The following PLCD3 variants were observed in gnomAD, a reference collection of about 807,000 sequenced individuals.
The protein encoded by PLCD3 is 1-phosphatidylinositol 4,5-bisphosphate phosphodiesterase delta-3.
A neutral mutation model predicts 82.8 loss-of-function variants in PLCD3; 62 were observed. The observed-to-expected ratio is 0.75, with a 90% confidence interval of 0.61 to 0.93. The LOEUF (loss-of-function observed/expected upper bound fraction) is 0.93. Among genes scored for constraint, PLCD3 ranks in the 40% least tolerant of loss-of-function variants. PLCD3 has a pLI of 0.00. For missense variants in PLCD3, 1,023 were observed against 1,103.4 expected, an observed-to-expected ratio of 0.93 and a Z score of 1.03; for synonymous variants, 478 against 471.8, an observed-to-expected ratio of 1.01 and a Z score of -0.17.
chr17:45,119,048 G>A lies in PLCD3; in HGVS notation c.685-5C>T, dbSNP rs1204219005. The A allele has an allele frequency of 3.1e-6, 5 of 1,593,992 alleles. No homozygotes were observed. Among genetic ancestry groups the A allele is most frequent in the Non-Finnish European group, 4.3e-6 (5 of 1,169,002 alleles). On this transcript the variant is annotated splice_region_variant and splice_polypyrimidine_tract_variant and intron_variant, in intron 4 of 14. Transcript: ENST00000619929. ...GTTGTTGGAGTGGTCACACTCCTGG[G>A]GAGCAGCAGGAGAAGCTCAGAGGAG...
chr17:45,116,189 C>T (rs1329635259), intron 8 of PLCD3, among the ~76,000 whole-genome samples: 2 of 152,138 alleles, frequency 1.3e-5, no homozygotes, highest in Admixed American at 1.3e-4. Context: ...AGCAGGAGGC[C>T]GCCTCAGGCC....
At chr17:45,115,316 T>TTCCCCCCCC in intron 9 of PLCD3, 28 bp downstream of exon 9, 4 of 1,474,944 alleles carry the variant, frequency 2.7e-6, no homozygotes, top group East Asian at 2.5e-5. Context: ...TTCCCCCCCT[T>TTCCCCCCCC]CCCCACCCCA....
chr17:45,114,386 A>G lies in PLCD3; in HGVS notation c.1712-20T>C. The G allele has an allele frequency of 6.5e-7, 1 of 1,533,122 alleles. No homozygotes were observed. Among genetic ancestry groups the G allele is most frequent in the South Asian group, 1.2e-5 (1 of 82,870 alleles). The allele number at this position is 1,533,122 out of a possible 1,614,324, so 95.0% of individuals were successfully genotyped here. On this transcript the variant is annotated intron_variant, in intron 10 of 14. Coordinates refer to ENST00000619929, the MANE Select transcript of PLCD3 (RefSeq NM_133373.5). ...TGTTCCCTGGGGCAGAGTTGGGGTGAGACCGTGACAGACTCCGGGGGTCCC... is the reference window on the plus strand; with the variant it reads ...TGTTCCCTGGGGCAGAGTTGGGGTGGGACCGTGACAGACTCCGGGGGTCCC...
At chr17:45,116,527 G>T in intron 8 of PLCD3, 105 bp downstream of exon 8, 2 of 1,227,250 alleles carry the variant, frequency 1.6e-6, no homozygotes, top group Non-Finnish European at 1.1e-6. Flanking sequence ...AGTTAAGGCA[G>T]CAAGAGGTGA....
chr17:45,120,043 C>G (rs947006305), intron 4 of PLCD3, among the ~76,000 whole-genome samples: 10 of 152,246 alleles, frequency 6.6e-5, no homozygotes, highest in Non-Finnish European at 5.9e-5. Flanking sequence ...CTTGCAGACT[C>G]AGGGAAATGA....
chr17:45,121,960 A>AAG (rs966808445), intron 1 of PLCD3, among the ~76,000 whole-genome samples: 2 of 41,366 alleles, frequency 4.8e-5, no homozygotes, highest in East Asian at 1.6e-3. Flanking sequence ...GCGTCTTAAC[A>AAG]AAAAAAAAAA....
In PLCD3 at chr17:45,119,044, C is replaced by T; in HGVS notation, c.685-1G>A. ...GGTCGTTGTTGGAGTGGTCACACTC[C>T]TGGGGAGCAGCAGGAGAAGCTCAGA... is the stretch of plus-strand genomic sequence containing the variant. On this transcript the variant is annotated splice_acceptor_variant, in intron 4 of 14. Coordinates refer to ENST00000619929, the MANE Select transcript of PLCD3 (RefSeq NM_133373.5). LOFTEE classifies it high-confidence loss of function. 1 of 1,599,606 alleles carries T rather than the reference C, an allele frequency of 6.3e-7. No individual in the cohort carries two copies. The highest frequency in any genetic ancestry group is 8.5e-7 in the Non-Finnish European group (1 of 1,172,072).
At chr17:45,117,859 C>G in intron 7 of PLCD3, 135 bp downstream of exon 7, 2 of 1,239,354 alleles carry the variant, frequency 1.6e-6, no homozygotes, top group South Asian at 2.9e-5. Flanking sequence ...CCACTTATCC[C>G]AGCAGCACTT....
Position 45,111,639 on chromosome 17 carries a change from G to A in PLCD3, c.*977C>T, listed in dbSNP as rs897312532. 4 of 152,240 alleles carry A rather than the reference G, an allele frequency of 2.6e-5. No homozygotes were observed. The highest frequency in any genetic ancestry group is 9.7e-5 in the African/African-American group (4 of 41,444). The allele number at this position is 152,240 out of a possible 1,614,324, so 9.4% of individuals were successfully genotyped here. On this transcript the variant is annotated 3_prime_UTR_variant, in exon 15 of 15. Transcript: ENST00000619929. ...GTGGCAGCATAGAGGTGCTCAGGGAGTGGCGGTGGTGAAATCAACGTGCTT... is the reference window on the plus strand; with the variant it reads ...GTGGCAGCATAGAGGTGCTCAGGGAATGGCGGTGGTGAAATCAACGTGCTT...
chr17:45,119,649 G>A (rs7215546), intron 4 of PLCD3, among the ~76,000 whole-genome samples: 2,724 of 152,312 alleles, frequency 0.018, 77 homozygotes, highest in African/African-American at 0.062. Context: ...CCAAGACAGG[G>A]CCCTTGGGCC....
At position 45,113,129 on chromosome 17, in the gene PLCD3, G is replaced by A. The variant is rs754236814; in HGVS notation, c.2124C>T (p.Leu708=). The A allele has an allele frequency of 1.5e-5, 25 of 1,613,360 alleles. No individual in the cohort carries two copies. The highest frequency in any genetic ancestry group is 3.3e-4 in the Middle Eastern group (2 of 6,082). Residue 708 remains leucine (L), a synonymous_variant, in exon 13 of 15, where the codon CTC becomes CTT. Transcript: ENST00000619929. Reference sequence around the variant, plus strand: ...CCGCCAGTGGCTGCCCACCATTGTTGAGCACGTAGTCAGTCTCCTGCCGGG... The same window carrying A: ...CCGCCAGTGGCTGCCCACCATTGTTAAGCACGTAGTCAGTCTCCTGCCGGG... The part of the protein sequence containing the change: ...DCARQETDYV[L]NNGFNPRWGQ...
At chr17:45,112,737 T>C in intron 14 of PLCD3, 33 bp from the exon 15 acceptor site, 1 of 1,593,892 alleles carries the variant, frequency 6.3e-7, no homozygotes, top group Non-Finnish European at 8.5e-7. Flanking sequence ...TCAGGTCCTC[T>C]GTGCACCCTG....
intron 1 of PLCD3, among the ~76,000 whole-genome samples, chr17:45,123,967 A>C (rs55740745): frequency 0.8 from 110,049 of 137,026 alleles, 43,000 homozygotes; most frequent in South Asian, 0.88. Context: ...CCCCCCCCCC[A>C]ACCAGGTCCA....
intron 1 of PLCD3, among the ~76,000 whole-genome samples, chr17:45,125,802 C>A (rs2054377345): frequency 6.6e-6 from 1 of 152,160 alleles, no homozygotes; most frequent in Admixed American, 6.5e-5. Context: ...TGATTCCACC[C>A]ATGTGAGGTA....
chr17:45,118,055 G>GT lies in PLCD3; in HGVS notation c.1198dup (p.Thr400AsnfsTer106). On this transcript the variant is annotated frameshift_variant, in exon 7 of 15. Coordinates refer to ENST00000619929, the MANE Select transcript of PLCD3 (RefSeq NM_133373.5). LOFTEE classifies it high-confidence loss of function. This position sits in a 1 kb window ranked among gnomAD's most constrained non-coding sequence, Gnocchi z 4.1. ...CCGGAAGAGAATCTTGGAGGTGAGG[G>GT]TATGGCCATGATAGATGACGGGCTC... The GT allele has an allele frequency of 1.2e-6, 2 of 1,613,820 alleles. No homozygotes were observed. Among genetic ancestry groups the GT allele is most frequent in the Non-Finnish European group, 1.7e-6 (2 of 1,179,822 alleles).
chr17:45,116,796 A>G lies in PLCD3; in HGVS notation c.1261-12T>C, dbSNP rs749480627. 6.3e-7 allele frequency: 1 copy of G among 1,578,122 alleles called. No individual in the cohort carries two copies. The highest frequency in any genetic ancestry group is 1.8e-5 in the Admixed American group (1 of 56,976). ...GGGTAAGGGGACAGCTGTGGGGGGA[A>G]GGGCAGCAGCTCAGAGCCACTCCCC... On this transcript the variant is annotated splice_polypyrimidine_tract_variant and intron_variant, in intron 7 of 14. Coordinates refer to ENST00000619929, the MANE Select transcript of PLCD3 (RefSeq NM_133373.5).
At chr17:45,122,155 G>A (rs1260718952) in intron 1 of PLCD3, among the ~76,000 whole-genome samples, 1 of 152,116 alleles carries the variant, frequency 6.6e-6, no homozygotes, top group Non-Finnish European at 1.5e-5. Flanking sequence ...AGACAAGGAG[G>A]ACAGCAGAGG....
At position 45,118,722 on chromosome 17, in the gene PLCD3, G is replaced by T; in HGVS notation, c.913+93C>A. 7.5e-7 allele frequency: 1 copy of T among 1,341,238 alleles called. No homozygotes were observed. The highest frequency in any genetic ancestry group is 1.0e-6 in the Non-Finnish European group (1 of 991,640). The allele number at this position is 1,341,238 out of a possible 1,614,324, so 83.1% of individuals were successfully genotyped here. A position where few individuals can be genotyped will look rare whatever the true frequency, so the allele number is the denominator to read the frequency against. On this transcript the variant is annotated intron_variant, in intron 5 of 14. Coordinates refer to ENST00000619929, the MANE Select transcript of PLCD3 (RefSeq NM_133373.5). The surrounding 1 kb of genome is among the most constrained non-coding windows in gnomAD (Gnocchi z 4.1). ...CTGGAGGAGGTGAGGTAACCTGCCC[G>T]AGATGATGCCCGCGCCAGCCCGCAG...
At chr17:45,129,675 C>T (rs1413158218) in intron 1 of PLCD3, among the ~76,000 whole-genome samples, 2 of 152,226 alleles carry the variant, frequency 1.3e-5, no homozygotes, top group Admixed American at 6.5e-5. Flanking sequence ...GATGCAAGCT[C>T]AGCACAGTGC....
Sources: allele counts gnomAD v4.1 joint callset (sites outside exome capture counted in the v4.1 genomes callset), GRCh38; gene constraint gnomAD v4.1.1; non-coding constraint Gnocchi (gnomAD v3.1); transcripts MANE v1.5; gene names NCBI Gene and HGNC (gene_info 2026-07-23, HGNC 2026-07-21).